Variants in EPHA3 observed in about 807,000 individuals in gnomAD.
EPHA3 encodes EPH receptor A3.
A neutral mutation model predicts 107.1 loss-of-function variants in EPHA3; 42 were observed. The observed-to-expected ratio is 0.39, with a 90% CI of 0.31 to 0.51. The LOEUF is 0.51. EPHA3 is among the 20% of genes least tolerant of loss of function. The pLI is 0.78. For synonymous variants in EPHA3, 461 were observed against 424.8 expected (o/e 1.09, Z -1.05); for missense variants, 1,183 against 1,211.2 (o/e 0.98, Z 0.35).
At chr3:89,169,202 C>T (rs1263627347) in intron 2 of EPHA3, among the ~76,000 whole-genome samples, 3 of 151,962 alleles carry the variant, frequency 2.0e-5, no homozygotes, top group Admixed American at 6.6e-5. Flanking sequence ...CACAGACAAC[C>T]TTTGGCATCT....
intron 16 of EPHA3, among the ~76,000 whole-genome samples, chr3:89,475,628 A>G (rs76778695): frequency 0.025 from 3,778 of 152,314 alleles, 57 homozygotes; most frequent in South Asian, 0.047. Flanking sequence ...AGAGAAAGGG[A>G]AAGGTTAGAG....
intron 2 of EPHA3, among the ~76,000 whole-genome samples, chr3:89,140,581 C>G (rs931101006): frequency 6.6e-6 from 1 of 151,576 alleles, no homozygotes; most frequent in Non-Finnish European, 1.5e-5. Flanking sequence ...TCCCAAAAAA[C>G]CTTTGTGGTG....
At chr3:89,170,030 C>T (rs1213291698) in intron 2 of EPHA3, among the ~76,000 whole-genome samples, 1 of 151,934 alleles carries the variant, frequency 6.6e-6, no homozygotes, top group East Asian at 1.9e-4. Flanking sequence ...GGGTAGATCA[C>T]GAGGTCAGGG....
intron 2 of EPHA3, among the ~76,000 whole-genome samples, chr3:89,134,786 G>A (rs931303923): frequency 6.6e-6 from 1 of 152,144 alleles, no homozygotes; most frequent in African/African-American, 2.4e-5. Context: ...CAAATGGGTT[G>A]TTGGTGTTGT....
At chr3:89,350,252 A>T (rs1221889209) in intron 5 of EPHA3, among the ~76,000 whole-genome samples, 1 of 150,188 alleles carries the variant, frequency 6.7e-6, no homozygotes, top group South Asian at 2.1e-4. Flanking sequence ...TTTCAGGTAC[A>T]CCAATCAGAC....
At chr3:89,284,529 A>G (rs940669441) in intron 3 of EPHA3, among the ~76,000 whole-genome samples, 17 of 152,080 alleles carry the variant, frequency 1.1e-4, no homozygotes, top group Non-Finnish European at 2.5e-4. Flanking sequence ...ATTTCTCCTG[A>G]TTATTTCCTC....
At chr3:89,166,780 C>T (rs1705081940) in intron 2 of EPHA3, among the ~76,000 whole-genome samples, 1 of 152,146 alleles carries the variant, frequency 6.6e-6, no homozygotes. Context: ...AAACAAAATG[C>T]ACCCTTTTAT....
intron 3 of EPHA3, among the ~76,000 whole-genome samples, chr3:89,312,949 T>C (rs1474289835): frequency 6.6e-6 from 1 of 152,226 alleles, no homozygotes; most frequent in Admixed American, 6.6e-5. Context: ...TATTCCCTGG[T>C]ATATATGTAC....
At chr3:89,449,890 C>T (rs1357450963) in intron 14 of EPHA3, among the ~76,000 whole-genome samples, 1 of 152,042 alleles carries the variant, frequency 6.6e-6, no homozygotes, top group Non-Finnish European at 1.5e-5. Flanking sequence ...TTTATAACAC[C>T]AAATTTGCTC....
intron 3 of EPHA3, among the ~76,000 whole-genome samples, chr3:89,256,628 A>G (rs1351902450): frequency 6.6e-6 from 1 of 152,046 alleles, no homozygotes; most frequent in Non-Finnish European, 1.5e-5. Context: ...TCTATGGTCT[A>G]GTCCTCTAAG....
At chr3:89,193,921 A>G (rs1705777287) in intron 2 of EPHA3, among the ~76,000 whole-genome samples, 1 of 152,020 alleles carries the variant, frequency 6.6e-6, no homozygotes, top group Non-Finnish European at 1.5e-5. Flanking sequence ...TTTCATGTCC[A>G]AGTGGCTATT....
chr3:89,460,443 T>A (rs1256694200), intron 15 of EPHA3, among the ~76,000 whole-genome samples: 2 of 152,188 alleles, frequency 1.3e-5, no homozygotes, highest in African/African-American at 4.8e-5. Context: ...ATTGAAATGT[T>A]TTTAAATATA....
intron 15 of EPHA3, among the ~76,000 whole-genome samples, chr3:89,468,102 C>T (rs751943492): frequency 5.9e-5 from 9 of 152,158 alleles, no homozygotes; most frequent in Non-Finnish European, 1.0e-4. Context: ...CAGTGAGAGA[C>T]AAATTCCTAT....
At chr3:89,256,541 C>T (rs1359615293) in intron 3 of EPHA3, among the ~76,000 whole-genome samples, 4 of 150,992 alleles carry the variant, frequency 2.6e-5, no homozygotes, top group Non-Finnish European at 4.4e-5. Context: ...TCCAGCCTGG[C>T]GACAGAGTGA....
chr3:89,460,750 G>A (rs1284099441), intron 15 of EPHA3, among the ~76,000 whole-genome samples: 33 of 145,172 alleles, frequency 2.3e-4, no homozygotes, highest in Non-Finnish European at 2.7e-4. Flanking sequence ...ACTTTGCTCA[G>A]TGAATAAATA....
chr3:89,217,741 T>C lies in EPHA3; in HGVS notation c.814+7221T>C, dbSNP rs531203897. On this transcript the variant is annotated intron_variant, in intron 3 of 16. Transcript: ENST00000336596. ...TGGTCAGTTGCAATGCCACAAAAGG[T>C]TAAAAGAAAATGCTGCAATTGAAAA... 3.3e-5 allele frequency among the ~76,000 whole-genome samples: 5 copies of C among 152,224 alleles called. No individual in the cohort carries two copies. In the South Asian group the frequency reaches 1.0e-3, roughly 32 times the overall value.
At chr3:89,168,639 AAAAT>A (rs1705134734) in intron 2 of EPHA3, among the ~76,000 whole-genome samples, 1 of 152,170 alleles carries the variant, frequency 6.6e-6, no homozygotes, top group East Asian at 1.9e-4. Context: ...ATATTTAAGA[AAAAT>A]AATACAGATA....
At chr3:89,263,351 G>T (rs75643655) in intron 3 of EPHA3, among the ~76,000 whole-genome samples, 4,924 of 152,212 alleles carry the variant, frequency 0.032, 278 homozygotes, top group African/African-American at 0.11. Context: ...GCGTGAGGAG[G>T]CTGCCCTCCA....
chr3:89,257,513 G>A (rs1705312794), intron 3 of EPHA3, among the ~76,000 whole-genome samples: 1 of 152,022 alleles, frequency 6.6e-6, no homozygotes, highest in African/African-American at 2.4e-5. Context: ...AGCAGAGAAA[G>A]TTTGAGGTGA....
Sources: gnomAD v4.1 joint callset for allele counts (sites outside exome capture counted in the v4.1 genomes callset) on GRCh38, gnomAD v4.1.1 for gene constraint, MANE v1.5 for transcripts, NCBI Gene and HGNC (gene_info 2026-07-23, HGNC 2026-07-21) for gene names.